PARVB: variants seen among roughly 807,000 people sequenced by gnomAD.
PARVB encodes the protein parvin beta.
Under a neutral mutation model 47.0 loss-of-function variants are expected in PARVB, and 46 were observed. The ratio of observed to expected loss-of-function variants is 0.98; its 90% confidence interval spans 0.77 to 1.25. The LOEUF (loss-of-function observed/expected upper bound fraction) is 1.25, where lower values mean the gene tolerates loss of function less well. Among genes scored for constraint, PARVB ranks in the 50% most tolerant of loss-of-function variants. PARVB has a pLI of 0.00. For synonymous variants in PARVB, 196 were observed against 196.3 expected, an observed-to-expected ratio of 1.00 and a Z score of 0.01; for missense variants, 473 against 471.6, an observed-to-expected ratio of 1.00 and a Z score of -0.03.
At chr22:44,148,110 C>G in intron 9 of PARVB, 188 bp downstream of exon 9, 1 of 612,180 alleles carries the variant, frequency 1.6e-6, no homozygotes, top group South Asian at 1.8e-5. Flanking sequence ...TTAACTCAAC[C>G]TCGCTGCTCC....
chr22:44,163,859 T>A lies in PARVB; in HGVS notation c.947T>A (p.Val316Asp), dbSNP rs1220192902. ...YLTPESFDQKVHNVSFAFELM... is the reference protein window; with the variant it reads ...YLTPESFDQKDHNVSFAFELM... ...TGACCCACCCCCCTTCCTTGGCAGG[T>A]CCACAATGTGTCCTTCGCCTTTGAG... The change falls in exon 12 of 13, where the codon GTC becomes GAC. Residue 316 changes from valine (V) to aspartate (D), a missense_variant and splice_region_variant. By Grantham distance (152) the Val-to-Asp change is radical (BLOSUM62 -3). Transcript: ENST00000338758. 1.2e-6 allele frequency: 2 copies of A among 1,607,470 alleles called. No homozygotes were observed. The highest frequency in any genetic ancestry group is 2.2e-5 in the East Asian group (1 of 44,564).
At chr22:44,023,976 GC>G (rs1191264286), upstream of PARVB, among the ~76,000 whole-genome samples, 2 of 152,362 alleles carry the variant, frequency 1.3e-5, no homozygotes, top group East Asian at 3.9e-4. Flanking sequence ...ATTCTCTCCG[GC>G]TTTCAGGACG....
chr22:44,140,016 A>C, intron 7 of PARVB, 108 bp from the exon 8 acceptor site: 2 of 121,078 alleles, frequency 1.7e-5, no homozygotes, highest in Non-Finnish European at 2.6e-5. Context: ...CTGGGCAGCG[A>C]GGGCCCAGCT....
At chr22:44,149,606 TC>T in intron 9 of PARVB, 1 of 152,342 alleles carries the variant, frequency 6.6e-6, no homozygotes, top group African/African-American at 2.4e-5. Flanking sequence ...GCTCCAATGC[TC>T]CCTCTCCATG....
chr22:44,154,265 C>T (rs993156742), intron 10 of PARVB, among the ~76,000 whole-genome samples: 4 of 152,188 alleles, frequency 2.6e-5, no homozygotes, highest in African/African-American at 9.7e-5. Flanking sequence ...AACCACTGGT[C>T]CCCCAGAAAA....
chr22:44,050,703 C>G (rs890048616), intron 1 of PARVB, among the ~76,000 whole-genome samples: 16 of 152,158 alleles, frequency 1.1e-4, no homozygotes, highest in African/African-American at 3.9e-4. Flanking sequence ...GTTAGAGAGA[C>G]AGGACTGGGG....
chr22:44,129,879 T>G (rs2053271697), intron 4 of PARVB, among the ~76,000 whole-genome samples: 1 of 152,224 alleles, frequency 6.6e-6, no homozygotes, highest in East Asian at 1.9e-4. Flanking sequence ...CCTAGGACAG[T>G]GCCTGTCCCA....
chr22:44,140,016 A>G (rs1350801103), intron 7 of PARVB, 108 bp from the exon 8 acceptor site: 7 of 121,054 alleles, frequency 5.8e-5, no homozygotes, highest in Non-Finnish European at 9.3e-5. Flanking sequence ...CTGGGCAGCG[A>G]GGGCCCAGCT....
intron 1 of PARVB, among the ~76,000 whole-genome samples, chr22:44,027,631 C>T (rs1248663733): frequency 6.6e-6 from 1 of 152,180 alleles, no homozygotes; most frequent in South Asian, 2.1e-4. Context: ...GGTGAGGTGG[C>T]TCACGCCTGT....
chr22:44,007,786 T>C (rs1049924834), intron 2 of PARVB, among the ~76,000 whole-genome samples: 2 of 152,190 alleles, frequency 1.3e-5, no homozygotes, highest in African/African-American at 4.8e-5. Context: ...AACTCTTTCA[T>C]TCCGAAGCTG....
At chr22:44,151,637 G>A in intron 10 of PARVB, 86 bp downstream of exon 10, 1 of 1,049,908 alleles carries the variant, frequency 9.5e-7, no homozygotes, top group Non-Finnish European at 1.5e-6. Flanking sequence ...CGTGAACAAA[G>A]CTGGCGCCAT....
chr22:44,100,681 C>T (rs2052421735), intron 3 of PARVB, among the ~76,000 whole-genome samples: 1 of 152,144 alleles, frequency 6.6e-6, no homozygotes, highest in Non-Finnish European at 1.5e-5. Context: ...TGGTGCTGGC[C>T]TTCTTGGGCA....
At chr22:44,086,290 T>C (rs1487362317) in intron 1 of PARVB, among the ~76,000 whole-genome samples, 1 of 152,226 alleles carries the variant, frequency 6.6e-6, no homozygotes, top group Non-Finnish European at 1.5e-5. Flanking sequence ...CGCTTTCTTG[T>C]ATGTTGTGCT....
chr22:44,092,619 G>A lies in PARVB; in HGVS notation c.113-1309G>A, dbSNP rs560770151. On this transcript the variant is annotated intron_variant, in intron 1 of 12. Transcript: ENST00000338758. ...CAGACGTGTCCCAAGAGCCCATCATGTGCCATGCTCTGGACTGGACGCTCA... is the reference window on the plus strand; with the variant it reads ...CAGACGTGTCCCAAGAGCCCATCATATGCCATGCTCTGGACTGGACGCTCA... Among the ~76,000 whole-genome samples the A allele has an allele frequency of 4.6e-5, 7 of 152,240 alleles. No homozygotes were observed. In the South Asian group the frequency reaches 1.5e-3, roughly 32 times the overall value.
chr22:44,067,435 G>A (rs887357580), intron 1 of PARVB, among the ~76,000 whole-genome samples: 2 of 152,196 alleles, frequency 1.3e-5, no homozygotes, highest in Non-Finnish European at 2.9e-5. Flanking sequence ...CCCCCAAGGG[G>A]CTGACCACCA....
intron 4 of PARVB, among the ~76,000 whole-genome samples, chr22:44,126,707 G>A (rs536406950): frequency 6.6e-6 from 1 of 152,170 alleles, no homozygotes; most frequent in Non-Finnish European, 1.5e-5. Flanking sequence ...CCTACCTGAA[G>A]CAGATATTTT....
At chr22:44,151,662 A>C in intron 10 of PARVB, 111 bp downstream of exon 10, 1 of 824,620 alleles carries the variant, frequency 1.2e-6, no homozygotes, top group East Asian at 2.5e-5. Flanking sequence ...TTCATCTCAC[A>C]AGGAACTCCC....
At chr22:44,082,368 A>C (rs1246813378) in intron 1 of PARVB, among the ~76,000 whole-genome samples, 4 of 151,898 alleles carry the variant, frequency 2.6e-5, no homozygotes, top group African/African-American at 7.3e-5. Context: ...AAAATACAAA[A>C]ATTAGCTGGG....
chr22:44,042,439 G>A (rs578217828), intron 1 of PARVB, among the ~76,000 whole-genome samples: 1 of 152,248 alleles, frequency 6.6e-6, no homozygotes, highest in South Asian at 2.1e-4. Context: ...TGGGGCTTTG[G>A]AACTGTAGAG....
Sources: gnomAD v4.1 joint callset for allele counts (sites outside exome capture counted in the v4.1 genomes callset) on GRCh38, gnomAD v4.1.1 for gene constraint, MANE v1.5 for transcripts, NCBI Gene and HGNC (gene_info 2026-07-23, HGNC 2026-07-21) for gene names.